MAP3K2: variants seen among roughly 807,000 people sequenced by gnomAD.
MAP3K2 encodes the protein MAP/ERK kinase kinase 2.
A neutral mutation model predicts 80.3 loss-of-function variants in MAP3K2; 24 were observed. That is an observed-to-expected ratio of 0.30 (90% CI 0.22 to 0.42). The LOEUF is 0.42. MAP3K2 is among the 10% of genes least tolerant of loss of function. The pLI is 1.00. For synonymous variants in MAP3K2, 244 were observed against 253.7 expected (o/e 0.96, Z 0.36); for missense variants, 608 against 750.1 (o/e 0.81, Z 2.21).
In MAP3K2 at chr2:127,324,228, T is replaced by C. The variant is rs759247029; in HGVS notation, c.691A>G (p.Lys231Glu). 1.9e-6 allele frequency: 3 copies of C among 1,559,850 alleles called. No homozygotes were observed. The East Asian group carries it at 6.9e-5, about 36-fold the overall frequency. The part of the protein sequence containing the change: ...DSPLDGESYP[K>E]SRMPRAQSYP... Reference sequence around the variant, plus strand: ...CTCTGAGCCCTAGGCATTCGTGATTTTGGATAGCTCTCTCTATAAAGAAAA... The same window carrying C: ...CTCTGAGCCCTAGGCATTCGTGATTCTGGATAGCTCTCTCTATAAAGAAAA... The change falls in exon 10 of 17, where the codon AAA becomes GAA. Residue 231 changes from lysine (K) to glutamate (E), a missense_variant. By Grantham distance (56) the Lys-to-Glu change is moderately conservative. Coordinates refer to ENST00000682094, the MANE Select transcript of MAP3K2 (RefSeq NM_001371910.2).
intron 5 of MAP3K2, among the ~76,000 whole-genome samples, chr2:127,335,398 C>T (rs545088323): frequency 1.6e-4 from 25 of 152,272 alleles, no homozygotes; most frequent in East Asian, 5.8e-4. Flanking sequence ...TTCTCCACAA[C>T]GCAGAGCTCC....
intron 7 of MAP3K2, among the ~76,000 whole-genome samples, chr2:127,329,449 C>T (rs559223795): frequency 4.6e-5 from 7 of 152,074 alleles, no homozygotes; most frequent in South Asian, 2.1e-4. Flanking sequence ...CTCCGCCTCC[C>T]GGGTTCAAGC....
At position 127,302,995 on chromosome 2, in the gene MAP3K2, A is replaced by G. The variant is rs549520501; in HGVS notation, c.*4584T>C. 1 of 152,214 alleles carries G rather than the reference A, an allele frequency of 6.6e-6. No individual in the cohort carries two copies. The highest frequency in any genetic ancestry group is 1.9e-4 in the East Asian group (1 of 5,190). The allele number at this position is 152,214 out of a possible 1,614,324, so 9.4% of individuals were successfully genotyped here. On this transcript the variant is annotated 3_prime_UTR_variant, in exon 17 of 17. Coordinates refer to ENST00000682094, the MANE Select transcript of MAP3K2 (RefSeq NM_001371910.2). ...AAGGCCAAATGAACTTGTGAAGCCT[A>G]CTGATTTTGGAAAAAATCTTCATTT...
intron 1 of MAP3K2, among the ~76,000 whole-genome samples, chr2:127,367,553 G>A (rs1014614791): frequency 2.6e-5 from 4 of 152,192 alleles, no homozygotes; most frequent in African/African-American, 7.2e-5. Flanking sequence ...AGCACTTTGG[G>A]AGGCTGAGGC....
At position 127,302,319 on chromosome 2, in the gene MAP3K2, A is replaced by G. The variant is rs1685609145; in HGVS notation, c.*5260T>C. On this transcript the variant is annotated 3_prime_UTR_variant, in exon 17 of 17. Transcript: ENST00000682094. ...CTGGTGTTCCTACCCAAGGATGACT[A>G]CACTCACTGTATGTCATCAGTAGGT... is the stretch of plus-strand genomic sequence containing the variant. The G allele has an allele frequency of 1.3e-5, 2 of 152,114 alleles. No individual in the cohort carries two copies. The highest frequency in any genetic ancestry group is 2.9e-5 in the Non-Finnish European group (2 of 68,016). 9.4% of individuals were successfully genotyped at this position (152,114 alleles called of 1,614,324 possible).
intron 7 of MAP3K2, among the ~76,000 whole-genome samples, chr2:127,329,522 A>C (rs3958415): frequency 6.6e-6 from 1 of 151,870 alleles, no homozygotes; most frequent in African/African-American, 2.4e-5. Context: ...ACGCCCAGCT[A>C]ATTTTTGTAA....
At chr2:127,348,151 G>A (rs142435141) in intron 1 of MAP3K2, among the ~76,000 whole-genome samples, 3 of 152,262 alleles carry the variant, frequency 2.0e-5, no homozygotes, top group African/African-American at 7.2e-5. Flanking sequence ...ACTTTGGGAA[G>A]CTGAGATAAT....
At chr2:127,354,327 G>A (rs943694884) in intron 1 of MAP3K2, among the ~76,000 whole-genome samples, 2 of 146,586 alleles carry the variant, frequency 1.4e-5, no homozygotes, top group African/African-American at 2.5e-5. Flanking sequence ...ATGATTATAC[G>A]ATAAAAGTAA....
At chr2:127,355,091 A>G (rs1398403252) in intron 1 of MAP3K2, among the ~76,000 whole-genome samples, 3 of 152,152 alleles carry the variant, frequency 2.0e-5, no homozygotes, top group East Asian at 1.9e-4. Context: ...TATACATTCA[A>G]CTGAAGTCCC....
At position 127,330,379 on chromosome 2, in the gene MAP3K2, T is replaced by G; in HGVS notation, c.378+13A>C. 7.3e-7 allele frequency: 1 copy of G among 1,360,628 alleles called. No individual in the cohort carries two copies. Among genetic ancestry groups the G allele is most frequent in the Non-Finnish European group, 1.0e-6 (1 of 972,352 alleles). The allele number at this position is 1,360,628 out of a possible 1,614,324, so 84.3% of individuals were successfully genotyped here. On this transcript the variant is annotated intron_variant, in intron 6 of 16. Coordinates refer to ENST00000682094, the MANE Select transcript of MAP3K2 (RefSeq NM_001371910.2). ...CCTATAATTCTTACTGAAAAAAATA[T>G]CCCAAATCATACCTGTGTACTTCCA...
At chr2:127,331,055 AG>A (rs1347953022) in intron 5 of MAP3K2, among the ~76,000 whole-genome samples, 1 of 152,130 alleles carries the variant, frequency 6.6e-6, no homozygotes, top group Non-Finnish European at 1.5e-5. Flanking sequence ...CTTCTCTCTG[AG>A]CCTAGTGACC....
intron 15 of MAP3K2, among the ~76,000 whole-genome samples, chr2:127,312,702 C>G (rs1188886984): frequency 6.6e-6 from 1 of 152,054 alleles, no homozygotes; most frequent in African/African-American, 2.4e-5. Flanking sequence ...GTAGCTCACG[C>G]CTGTAATCCC....
chr2:127,303,989 A>G lies in MAP3K2; in HGVS notation c.*3590T>C, dbSNP rs1239269763. 3 of 152,204 alleles carry G rather than the reference A, an allele frequency of 2.0e-5. No individual in the cohort carries two copies. Among genetic ancestry groups the G allele is most frequent in the Non-Finnish European group, 2.9e-5 (2 of 68,014 alleles). The allele number at this position is 152,204 out of a possible 1,614,324, so 9.4% of individuals were successfully genotyped here. The stretch of plus-strand genomic sequence containing the variant: ...ATATGAGCTGGAGTAGCAGAGACTT[A>G]GTCTAAAGAAATAGTTTCATCTTTT... On this transcript the variant is annotated 3_prime_UTR_variant, in exon 17 of 17. Coordinates refer to ENST00000682094, the MANE Select transcript of MAP3K2 (RefSeq NM_001371910.2).
upstream of MAP3K2, chr2:127,388,139 G>A (rs1687413960): frequency 2.0e-6 from 2 of 984,976 alleles, no homozygotes; most frequent in East Asian, 2.3e-4. Flanking sequence ...GCCCCCACCG[G>A]CCGGACGGCG....
At chr2:127,343,858 A>C (rs1686545437) in intron 1 of MAP3K2, among the ~76,000 whole-genome samples, 1 of 152,250 alleles carries the variant, frequency 6.6e-6, no homozygotes. Context: ...TCTATACAAA[A>C]AAATACAAAA....
chr2:127,360,348 C>A (rs1242696012), intron 1 of MAP3K2, among the ~76,000 whole-genome samples: 1 of 140,226 alleles, frequency 7.1e-6, no homozygotes, highest in African/African-American at 2.7e-5. Flanking sequence ...TCTATGGTGA[C>A]AGAAAGTAGA....
At position 127,311,927 on chromosome 2, in the gene MAP3K2, T is replaced by C. The variant is rs372182195; in HGVS notation, c.1456+2827A>G. Among the ~76,000 whole-genome samples, 6 of 152,330 alleles carry C rather than the reference T, an allele frequency of 3.9e-5. No individual in the cohort carries two copies. The South Asian group carries it at 1.2e-3, about 32-fold the overall frequency. On this transcript the variant is annotated intron_variant, in intron 15 of 16. Coordinates refer to ENST00000682094, the MANE Select transcript of MAP3K2 (RefSeq NM_001371910.2). ...GCAACTTATGAAGAAACTAAGTTGT[T>C]TGCCTATAGCTTTCTCATGGTCTAG...
At chr2:127,328,098 A>C (rs2104829242) in intron 7 of MAP3K2, among the ~76,000 whole-genome samples, 1 of 152,286 alleles carries the variant, frequency 6.6e-6, no homozygotes, top group Admixed American at 6.5e-5. Flanking sequence ...AACAGGCTGA[A>C]ACCCCATCTC....
chr2:127,368,435 A>C (rs1687009182), intron 1 of MAP3K2, among the ~76,000 whole-genome samples: 1 of 152,162 alleles, frequency 6.6e-6, no homozygotes. Context: ...ATCCTGGCCA[A>C]CATGGTGAAA....
Sources: gnomAD v4.1 joint callset for allele counts (sites outside exome capture counted in the v4.1 genomes callset) on GRCh38, gnomAD v4.1.1 for gene constraint, MANE v1.5 for transcripts, NCBI Gene and HGNC (gene_info 2026-07-23, HGNC 2026-07-21) for gene names.